Variants in MED13L observed in about 807,000 individuals in gnomAD.
The protein encoded by MED13L is mediator of RNA polymerase II transcription subunit 13-like.
MED13L carries 7 observed loss-of-function variants against 220.9 expected under a neutral mutation model. The ratio of observed to expected loss-of-function variants is 0.03; its 90% confidence interval spans 0.02 to 0.06. MED13L has a LOEUF of 0.06. Ranked by LOEUF, MED13L falls within the 10% of genes least tolerant of loss-of-function variation. The pLI is 1.00. For missense variants in MED13L, 1,965 were observed against 2,760.5 expected (o/e 0.71, Z 6.46); for synonymous variants, 1,011 against 1,015.2 (o/e 1.00, Z 0.08).
intron 28 of MED13L, among the ~76,000 whole-genome samples, chr12:115,968,682 C>T (rs749973378): frequency 6.6e-6 from 1 of 152,178 alleles, no homozygotes; most frequent in Non-Finnish European, 1.5e-5. Context: ...GAAAACAATG[C>T]ATTAAAAACC....
In MED13L at chr12:116,022,458, T is replaced by C. The variant is rs1370064475; in HGVS notation, c.623A>G (p.Gln208Arg). The C allele has an allele frequency of 1.9e-6, 3 of 1,613,438 alleles. No individual in the cohort carries two copies. Among genetic ancestry groups the C allele is most frequent in the Non-Finnish European group, 2.5e-6 (3 of 1,179,730 alleles). The change falls in exon 5 of 31, where the codon CAA becomes CGA. Residue 208 changes from glutamine to arginine, a missense_variant and splice_region_variant. Gln to Arg is a conservative substitution (Grantham distance 43). Coordinates refer to ENST00000281928, the MANE Select transcript of MED13L (RefSeq NM_015335.5). ...AGAGCAGGAACACCCATACTTACCT[T>C]GAAATGGTGCAGGTGAAGACTGAGC... ...HMAQSSPAPFQVLVSPYGLNG... is the reference protein window; with the variant it reads ...HMAQSSPAPFRVLVSPYGLNG...
chr12:116,020,258 T>C (rs1879980877), intron 5 of MED13L, among the ~76,000 whole-genome samples: 1 of 152,046 alleles, frequency 6.6e-6, no homozygotes, highest in Non-Finnish European at 1.5e-5. Flanking sequence ...TGTTTTAAAA[T>C]TTCTTATTAT....
intron 2 of MED13L, among the ~76,000 whole-genome samples, chr12:116,122,160 TACA>T (rs1178275243): frequency 6.6e-6 from 1 of 152,160 alleles, no homozygotes; most frequent in Non-Finnish European, 1.5e-5. Flanking sequence ...AATCAGATAT[TACA>T]ACAAGGAAAC....
chr12:116,205,946 T>TG (rs1555222571), intron 2 of MED13L, among the ~76,000 whole-genome samples: 1 of 150,942 alleles, frequency 6.6e-6, no homozygotes, highest in Non-Finnish European at 1.5e-5. Flanking sequence ...AAACTTGTTT[T>TG]TTTTTTTTTT....
intron 2 of MED13L, among the ~76,000 whole-genome samples, chr12:116,124,123 CGAGAGAGAGA>C (rs58366115): frequency 0.11 from 14,090 of 133,620 alleles, 866 homozygotes; most frequent in East Asian, 0.23. Context: ...GAGAGAAAGA[CGAGAGAGAGA>C]GAGAGAGAGA....
chr12:116,019,957 T>C lies in MED13L; in HGVS notation c.641A>G (p.Tyr214Cys), dbSNP rs779946861. ...PAPFQVLVSPYGLNGTLTGQA... is the reference protein window; with the variant it reads ...PAPFQVLVSPCGLNGTLTGQA... ...GCCTGTTAGCGTCCCATTTAAGCCA[T>C]AAGGACTTACCAGTACTATGGAGGG... Residue 214 changes from tyrosine to cysteine, a missense_variant, in exon 6 of 31, where the codon TAT becomes TGT. Physicochemically the swap from Tyr to Cys is radical, Grantham distance 194. Transcript: ENST00000281928. 52 of 1,613,554 alleles carry C rather than the reference T, an allele frequency of 3.2e-5. No homozygotes were observed. Among genetic ancestry groups the C allele is most frequent in the Non-Finnish European group, 8.5e-7 (1 of 1,179,778 alleles).
chr12:116,095,642 G>A (rs1872581120), intron 4 of MED13L, among the ~76,000 whole-genome samples: 1 of 152,062 alleles, frequency 6.6e-6, no homozygotes, highest in African/African-American at 2.4e-5. Context: ...AGGCTTCAAG[G>A]GCTCTAATCT....
At chr12:115,987,891 T>C (rs1877804864) in intron 17 of MED13L, among the ~76,000 whole-genome samples, 1 of 152,172 alleles carries the variant, frequency 6.6e-6, no homozygotes. Context: ...CAGATGACTT[T>C]AGTCCCAGCA....
intron 1 of MED13L, among the ~76,000 whole-genome samples, chr12:116,251,645 C>T (rs1871575134): frequency 6.6e-6 from 1 of 151,076 alleles, no homozygotes; most frequent in Non-Finnish European, 1.5e-5. Flanking sequence ...CCCATAGTCC[C>T]AGCTACTCGG....
chr12:116,174,909 G>A (rs12368217), intron 2 of MED13L: 1 of 152,142 alleles, frequency 6.6e-6, no homozygotes, highest in African/African-American at 2.4e-5. Context: ...GATCTCTATA[G>A]AAAACTAAAA....
chr12:116,173,906 C>T (rs1264404747), intron 2 of MED13L, among the ~76,000 whole-genome samples: 1 of 152,102 alleles, frequency 6.6e-6, no homozygotes, highest in Admixed American at 6.5e-5. Context: ...TGAGACCAGC[C>T]TGGGCAACAT....
rs547576564 is a variant in MED13L at position 116,092,962 on chromosome 12, T to C, written c.479+3707A>G. Among the ~76,000 whole-genome samples, 34 of 152,312 alleles carry C rather than the reference T, an allele frequency of 2.2e-4. No homozygotes were observed. The South Asian group carries it at 4.4e-3, about 20-fold the overall frequency. Reference sequence around the variant, plus strand: ...GTTAACTTAGCTTCTGTATACCTGATACCAGAAAAGATCAAAGGCCCACTG... The same window carrying C: ...GTTAACTTAGCTTCTGTATACCTGACACCAGAAAAGATCAAAGGCCCACTG... On this transcript the variant is annotated intron_variant, in intron 4 of 30. Coordinates refer to ENST00000281928, the MANE Select transcript of MED13L (RefSeq NM_015335.5).
chr12:116,080,899 C>G (rs1277955399), intron 4 of MED13L, among the ~76,000 whole-genome samples: 1 of 152,172 alleles, frequency 6.6e-6, no homozygotes, highest in Non-Finnish European at 1.5e-5. Context: ...TACTTAGTAA[C>G]TAGAACTGTT....
At chr12:116,188,669 G>C (rs1163700969) in intron 2 of MED13L, among the ~76,000 whole-genome samples, 3 of 152,104 alleles carry the variant, frequency 2.0e-5, no homozygotes, top group Non-Finnish European at 4.4e-5. Flanking sequence ...ATATGGTCAA[G>C]ATACAGACTA....
At chr12:116,265,083 A>C (rs1420176406) in intron 1 of MED13L, among the ~76,000 whole-genome samples, 1 of 152,154 alleles carries the variant, frequency 6.6e-6, no homozygotes, top group African/African-American at 2.4e-5. Flanking sequence ...TTCTACCCTC[A>C]ACAGTCAAAT....
rs574845370 is a variant in MED13L at position 116,210,242 on chromosome 12, G to C, written c.310+27226C>G. On this transcript the variant is annotated intron_variant, in intron 2 of 30. Transcript: ENST00000281928. ...TATATTCAGAGGATCTGAATCTTCA[G>C]TGAAATCATTGCAGGACGGAGTATC... 8.5e-5 allele frequency among the ~76,000 whole-genome samples: 13 copies of C among 152,256 alleles called. No individual in the cohort carries two copies. In the South Asian group the frequency reaches 2.3e-3, roughly 27 times the overall value.
chr12:116,167,177 C>T lies in MED13L; in HGVS notation c.311-55665G>A, dbSNP rs559971682. ...AAAGAAACCTCAGGCAGAAAAGAAACTCTTCAAAGAGCATAAATGTTTTAT... is the reference window on the plus strand; with the variant it reads ...AAAGAAACCTCAGGCAGAAAAGAAATTCTTCAAAGAGCATAAATGTTTTAT... On this transcript the variant is annotated intron_variant, in intron 2 of 30. Transcript: ENST00000281928. Among the ~76,000 whole-genome samples the T allele has an allele frequency of 4.5e-4, 68 of 152,200 alleles. 1 individual carries two copies. Among genetic ancestry groups the T allele is most frequent in the Middle Eastern group, 3.4e-3 (1 of 294 alleles).
intron 1 of MED13L, 107 bp downstream of exon 1, chr12:116,276,953 G>A: frequency 7.2e-6 from 9 of 1,243,286 alleles, no homozygotes; most frequent in Non-Finnish European, 1.0e-5. Context: ...GAGACGCGAG[G>A]GAGGGGCGAA....
intron 2 of MED13L, among the ~76,000 whole-genome samples, chr12:116,191,925 A>C (rs1047765049): frequency 6.6e-6 from 1 of 152,226 alleles, no homozygotes; most frequent in Non-Finnish European, 1.5e-5. Flanking sequence ...ATCAAAGGGA[A>C]GGCAAAGAAG....
Sources: allele counts gnomAD v4.1 joint callset (sites outside exome capture counted in the v4.1 genomes callset), GRCh38; gene constraint gnomAD v4.1.1; transcripts MANE v1.5; gene names NCBI Gene and HGNC (gene_info 2026-07-23, HGNC 2026-07-21).